The following OBI1 variants were observed in gnomAD, a reference collection of about 807,000 sequenced individuals.
The protein encoded by OBI1 is ring finger protein 219.
OBI1 carries 59 observed loss-of-function variants against 62.4 expected under a neutral mutation model. The ratio of observed to expected loss-of-function variants is 0.95; its 90% CI spans 0.77 to 1.17. The LOEUF (loss-of-function observed/expected upper bound fraction) is 1.17. Ranked by LOEUF, OBI1 falls within the 50% of genes most tolerant of loss-of-function variation. OBI1 has a pLI of 0.00. For synonymous variants in OBI1, 302 were observed against 292.8 expected, an observed-to-expected ratio of 1.03 and a Z score of -0.32; for missense variants, 875 against 830.9, an observed-to-expected ratio of 1.05 and a Z score of -0.65.
chr13:78,650,357 G>C lies in OBI1; in HGVS notation c.73-5360C>G, dbSNP rs142481587. Among the ~76,000 whole-genome samples the C allele has an allele frequency of 2.0e-3, 307 of 152,356 alleles. 3 individuals are homozygous for C. The highest frequency in any genetic ancestry group is 6.8e-3 in the African/African-American group (284 of 41,580). ...TAAGTATGATAGAAACAGGATCAGA[G>C]AGTGGGATGCTTATAGTCAAGATAC... On this transcript the variant is annotated intron_variant, in intron 1 of 5. Transcript: ENST00000282003.
chr13:78,651,478 A>G (rs1306998994), intron 1 of OBI1, among the ~76,000 whole-genome samples: 1 of 152,114 alleles, frequency 6.6e-6, no homozygotes, highest in Non-Finnish European at 1.5e-5. Context: ...GCACACTTCA[A>G]CCTCACAGGT....
chr13:78,627,367 T>C (rs565135671), intron 5 of OBI1, among the ~76,000 whole-genome samples: 4 of 150,260 alleles, frequency 2.7e-5, no homozygotes, highest in African/African-American at 7.3e-5. Context: ...ATTACATAGG[T>C]ATACGTGTGC....
At chr13:78,626,176 T>C (rs879866871) in intron 5 of OBI1, among the ~76,000 whole-genome samples, 4 of 152,200 alleles carry the variant, frequency 2.6e-5, no homozygotes, top group Non-Finnish European at 5.9e-5. Flanking sequence ...ATCTCTGGCA[T>C]AACTTAAAGA....
At chr13:78,620,535 G>A (rs9593348) in intron 5 of OBI1, 82,155 of 444,392 alleles carry the variant, frequency 0.18, 9,166 homozygotes, top group East Asian at 0.24. Context: ...AATTGATATC[G>A]GAACTGTATT....
chr13:78,644,995 T>C lies in OBI1; in HGVS notation c.75A>G (p.Val25=), dbSNP rs759862628. The C allele has an allele frequency of 1.5e-5, 24 of 1,607,876 alleles. No individual in the cohort carries two copies. The African/African-American group carries it at 3.0e-4, about 20-fold the overall frequency. Residue 25 remains valine (V), a splice_region_variant and synonymous_variant, in exon 2 of 6, where the codon GTA becomes GTG. Coordinates refer to ENST00000282003, the MANE Select transcript of OBI1 (RefSeq NM_024546.4). The stretch of plus-strand genomic sequence containing the variant: ...TGTTGATGCATATGACAGGCTGACG[T>C]ACCTTTGAAAAAAGAAATCACTTTT... ...PITCHICLGK[V]RQPVICINNH...
intron 5 of OBI1, among the ~76,000 whole-genome samples, chr13:78,627,453 T>TGGGTG (rs1470229314): frequency 4.6e-5 from 7 of 151,952 alleles, no homozygotes; most frequent in Non-Finnish European, 2.9e-5. Context: ...ACGGCCCTGG[T>TGGGTG]GGGTGCTGTT....
rs1468028234 is a variant in OBI1, at chr13:78,615,630, T to G, written c.2131A>C (p.Ile711Leu). 6.2e-7 allele frequency: 1 copy of G among 1,613,676 alleles called. No homozygotes were observed. The highest frequency in any genetic ancestry group is 8.5e-7 in the Non-Finnish European group (1 of 1,179,852). The change falls in exon 6 of 6, where the codon ATC (isoleucine) becomes CTC (leucine). Residue 711 changes from isoleucine (I) to leucine (L), a missense_variant. Physicochemically the swap from Ile to Leu is conservative, Grantham distance 5 (BLOSUM62 2). Transcript: ENST00000282003. ...CTGGCACTGGAAAGGCTGCTCTGGATTTTTCTTTTTGTTGATTGATTCACA... is the reference window on the plus strand; with the variant it reads ...CTGGCACTGGAAAGGCTGCTCTGGAGTTTTCTTTTTGTTGATTGATTCACA... ...KNVNQSTKRK[I>L]QSSLSSASPS...
At chr13:78,631,242 G>A (rs1004735955) in intron 5 of OBI1, among the ~76,000 whole-genome samples, 1 of 152,126 alleles carries the variant, frequency 6.6e-6, no homozygotes, top group African/African-American at 2.4e-5. Context: ...GGTTGCAATA[G>A]TGACTACATA....
chr13:78,644,609 C>T (rs1442515863), intron 2 of OBI1, among the ~76,000 whole-genome samples: 1 of 152,008 alleles, frequency 6.6e-6, no homozygotes, highest in Admixed American at 6.6e-5. Context: ...TTAGCACTTG[C>T]TGCTTTTCTT....
At chr13:78,620,479 G>C in intron 5 of OBI1, 1 of 344,342 alleles carries the variant, frequency 2.9e-6, no homozygotes, top group Non-Finnish European at 5.7e-6. Flanking sequence ...ATGGCCAAAG[G>C]CTTCATTGTG....
At chr13:78,624,631 T>C (rs1316412740) in intron 5 of OBI1, among the ~76,000 whole-genome samples, 1 of 152,086 alleles carries the variant, frequency 6.6e-6, no homozygotes, top group East Asian at 1.9e-4. Context: ...GTGGTGAAAA[T>C]TCTGAGATGC....
intron 4 of OBI1, among the ~76,000 whole-genome samples, chr13:78,638,029 T>C (rs553553970): frequency 2.0e-5 from 3 of 152,348 alleles, no homozygotes; most frequent in African/African-American, 7.2e-5. Context: ...ATGCAAATAG[T>C]TGAATATGTG....
rs572904589 is a variant in OBI1 at position 78,615,857 on chromosome 13, A to G, written c.1904T>C (p.Val635Ala). The G allele has an allele frequency of 1.2e-6, 2 of 1,614,160 alleles. No homozygotes were observed. The highest frequency in any genetic ancestry group is 1.1e-5 in the South Asian group (1 of 91,076). ...DFSLHSSSCP[V>A]TNEIKPPSCL... ...GCTTGGGGGTTTGATTTCATTAGTT[A>G]CTGGACAAGAACTGGAATGGAGTGA... Residue 635 changes from valine to alanine, a missense_variant, in exon 6 of 6, where the codon GTA becomes GCA. Transcript: ENST00000282003.
chr13:78,651,131 A>T (rs1239217259), intron 1 of OBI1, among the ~76,000 whole-genome samples: 1 of 152,238 alleles, frequency 6.6e-6, no homozygotes, highest in African/African-American at 2.4e-5. Context: ...ATCTCAGAAT[A>T]GTCAAAACAT....
chr13:78,636,443 C>G (rs751417747), intron 4 of OBI1, among the ~76,000 whole-genome samples: 7 of 152,134 alleles, frequency 4.6e-5, no homozygotes, highest in Non-Finnish European at 2.9e-5. Context: ...AACCAAGAAG[C>G]CTTTAAAACG....
chr13:78,616,522 TG>T lies in OBI1; in HGVS notation c.1238del (p.Ala413GlufsTer35). 1 of 1,614,154 alleles carries T rather than the reference TG, an allele frequency of 6.2e-7. No individual in the cohort carries two copies. The highest frequency in any genetic ancestry group is 8.5e-7 in the Non-Finnish European group (1 of 1,180,028). On this transcript the variant is annotated frameshift_variant, in exon 6 of 6. Transcript: ENST00000282003. LOFTEE classifies it high-confidence loss of function. Reference sequence around the variant, plus strand: ...GGTTTGAGTGCTTTTTGGAACCTCCTGCTTGGACCACAGAGCTCTCTCTATT... The same window carrying T: ...GGTTTGAGTGCTTTTTGGAACCTCCTCTTGGACCACAGAGCTCTCTCTATT... ...PENRESSVVQ[A>X]GGSKKHSNHL...
chr13:78,641,655 G>A (rs1277328055), intron 3 of OBI1, among the ~76,000 whole-genome samples: 1 of 152,106 alleles, frequency 6.6e-6, no homozygotes, highest in East Asian at 1.9e-4. Flanking sequence ...TTGACATAAG[G>A]TATAGTATTT....
At chr13:78,622,473 A>G (rs561447172) in intron 5 of OBI1, among the ~76,000 whole-genome samples, 1 of 152,212 alleles carries the variant, frequency 6.6e-6, no homozygotes, top group Non-Finnish European at 1.5e-5. Context: ...CTGCCACTTA[A>G]TCTGAGAAAG....
chr13:78,657,468 ATTC>A (rs1458944998), intron 1 of OBI1, among the ~76,000 whole-genome samples: 1 of 152,274 alleles, frequency 6.6e-6, no homozygotes, highest in East Asian at 1.9e-4. Context: ...AAGCTTTAAT[ATTC>A]TTATTTTAAA....
Sources: gnomAD v4.1 joint callset for allele counts (sites outside exome capture counted in the v4.1 genomes callset) on GRCh38, gnomAD v4.1.1 for gene constraint, MANE v1.5 for transcripts, NCBI Gene and HGNC (gene_info 2026-07-23, HGNC 2026-07-21) for gene names.